Variants in GLIS3 observed in about 807,000 individuals in gnomAD.
The protein encoded by GLIS3 is zinc finger protein GLIS3.
A neutral mutation model predicts 78.6 loss-of-function variants in GLIS3; 53 were observed. The observed-to-expected ratio is 0.67, with a 90% CI of 0.54 to 0.85. The LOEUF (loss-of-function observed/expected upper bound fraction) is 0.85, where lower values mean the gene tolerates loss of function less well. Among genes scored for constraint, GLIS3 ranks in the 40% least tolerant of loss-of-function variants. GLIS3 has a pLI of 0.00. For synonymous variants in GLIS3, 684 were observed against 509.9 expected, an observed-to-expected ratio of 1.34 and a Z score of -4.60; for missense variants, 1,703 against 1,231.1, an observed-to-expected ratio of 1.38 and a Z score of -5.74.
At chr9:3,999,608 A>G (rs1820988033) in intron 4 of GLIS3, among the ~76,000 whole-genome samples, 1 of 152,034 alleles carries the variant, frequency 6.6e-6, no homozygotes, top group Non-Finnish European at 1.5e-5. Context: ...GACATTAACA[A>G]AGATAATAAT....
chr9:4,315,425 T>A (rs549023379), intron 2 of GLIS3, among the ~76,000 whole-genome samples: 15 of 152,290 alleles, frequency 9.8e-5, no homozygotes, highest in African/African-American at 3.4e-4. Flanking sequence ...CAATGACAAT[T>A]TTCTGTATGC....
At chr9:4,322,274 A>C (rs1002643684) in intron 2 of GLIS3, among the ~76,000 whole-genome samples, 2 of 152,152 alleles carry the variant, frequency 1.3e-5, no homozygotes, top group Non-Finnish European at 2.9e-5. Context: ...AATCCAGTCT[A>C]TCACTGATGG....
chr9:4,428,269 A>G, the GLIS3 span, among the ~76,000 whole-genome samples: 2 of 152,044 alleles, frequency 1.3e-5, no homozygotes, highest in African/African-American at 2.4e-5. Flanking sequence ...ACTTGAGGCC[A>G]GGAGTTCAAG....
At chr9:4,259,577 C>T (rs923489304) in intron 2 of GLIS3, among the ~76,000 whole-genome samples, 33 of 152,204 alleles carry the variant, frequency 2.2e-4, no homozygotes, top group Admixed American at 5.2e-4. Flanking sequence ...CCTATCCCTT[C>T]GTCCTCAGGG....
At chr9:4,354,269 C>T in the GLIS3 span, among the ~76,000 whole-genome samples, 3 of 152,156 alleles carry the variant, frequency 2.0e-5, no homozygotes, top group African/African-American at 4.8e-5. Context: ...CTTTCTCCAG[C>T]CAAACTTCCT....
At chr9:3,959,904 C>T (rs1817430612) in intron 4 of GLIS3, among the ~76,000 whole-genome samples, 1 of 152,172 alleles carries the variant, frequency 6.6e-6, no homozygotes, top group Non-Finnish European at 1.5e-5. Context: ...GTAATCCCAG[C>T]ACTTTGGGAG....
the GLIS3 span, among the ~76,000 whole-genome samples, chr9:4,402,820 T>A: frequency 6.6e-6 from 1 of 151,928 alleles, no homozygotes; most frequent in Non-Finnish European, 1.5e-5. Flanking sequence ...GCCTAGAAGA[T>A]CTAGAAAATA....
At chr9:4,109,090 A>G (rs1339030554) in intron 4 of GLIS3, among the ~76,000 whole-genome samples, 2 of 152,164 alleles carry the variant, frequency 1.3e-5, no homozygotes, top group South Asian at 2.1e-4. Flanking sequence ...GTTCTCCTCT[A>G]AACAGCTCAA....
intron 2 of GLIS3, among the ~76,000 whole-genome samples, chr9:4,202,066 A>C (rs376177860): frequency 1.3e-5 from 2 of 151,710 alleles, no homozygotes; most frequent in East Asian, 3.9e-4. Flanking sequence ...TGAACCCGGG[A>C]GACGGAGGTT....
rs759176580 is a variant in GLIS3, at chr9:4,125,753, T to C, written c.577A>G (p.Ile193Val). ...TGAGACCTGGTATCTGAAGGAGGTA[T>C]ATTCAGGTTGGCTGCATTCATTGCC... is the stretch of plus-strand genomic sequence containing the variant. ...QRAMNAANLNIPPSDTRSLIS... is the reference protein window; with the variant it reads ...QRAMNAANLNVPPSDTRSLIS... The change falls in exon 3 of 11, where the codon ATA becomes GTA. Residue 193 changes from isoleucine to valine, a missense_variant. Physicochemically the swap from Ile to Val is conservative, Grantham distance 29. Coordinates refer to ENST00000381971, the MANE Select transcript of GLIS3 (RefSeq NM_001042413.2). 4 of 1,613,682 alleles carry C rather than the reference T, an allele frequency of 2.5e-6. No individual in the cohort carries two copies. Among genetic ancestry groups the C allele is most frequent in the Non-Finnish European group, 3.4e-6 (4 of 1,179,814 alleles).
In GLIS3 at chr9:4,238,820, T is replaced by C. The variant is rs1310677185; in HGVS notation, c.388+47218A>G. 8.5e-5 allele frequency among the ~76,000 whole-genome samples: 13 copies of C among 152,122 alleles called. No homozygotes were observed. In the East Asian group the frequency reaches 2.3e-3, roughly 27 times the overall value. On this transcript the variant is annotated intron_variant, in intron 2 of 10. Coordinates refer to ENST00000381971, the MANE Select transcript of GLIS3 (RefSeq NM_001042413.2). ...AGCATTCCGTGAGTCAAGCTTTCCCTGGGGTTAAGACTTTTGAAATGACCA... is the reference window on the plus strand; with the variant it reads ...AGCATTCCGTGAGTCAAGCTTTCCCCGGGGTTAAGACTTTTGAAATGACCA...
the GLIS3 span, among the ~76,000 whole-genome samples, chr9:4,474,574 T>C: frequency 6.6e-6 from 1 of 152,170 alleles, no homozygotes; most frequent in South Asian, 2.1e-4. Flanking sequence ...TAGATTGAAA[T>C]GAAAGAAGCA....
chr9:4,461,284 C>T, the GLIS3 span, among the ~76,000 whole-genome samples: 5 of 152,288 alleles, frequency 3.3e-5, no homozygotes, highest in Admixed American at 3.3e-4. Flanking sequence ...AAAGATGGAT[C>T]AATGCCCATG....
rs141005677 is a variant in GLIS3, at chr9:4,105,661, G to A, written c.1710+12107C>T. Among the ~76,000 whole-genome samples the A allele has an allele frequency of 5.9e-5, 9 of 152,226 alleles. 1 individual carries two copies. The highest frequency in any genetic ancestry group is 1.9e-4 in the African/African-American group (8 of 41,546). On this transcript the variant is annotated intron_variant, in intron 4 of 10. Transcript: ENST00000381971. ...TGACATTCATTTTTTCCGAAGTTCT[G>A]AATTCTTGAAAAGTGATAGTGACAC...
chr9:3,889,394 C>G (rs944777810), intron 7 of GLIS3, among the ~76,000 whole-genome samples: 1 of 152,140 alleles, frequency 6.6e-6, no homozygotes, highest in Non-Finnish European at 1.5e-5. Flanking sequence ...TTCTGGATGC[C>G]TTCAATGGAA....
At chr9:4,059,903 T>TA (rs137978834) in intron 4 of GLIS3, among the ~76,000 whole-genome samples, 1 of 148,118 alleles carries the variant, frequency 6.8e-6, no homozygotes, top group Non-Finnish European at 1.5e-5. Context: ...GCTCAAAAAA[T>TA]AAAAAAATCT....
chr9:4,472,662 C>T, the GLIS3 span, among the ~76,000 whole-genome samples: 30 of 151,934 alleles, frequency 2.0e-4, no homozygotes, highest in African/African-American at 3.4e-4. Flanking sequence ...ATGTAAATGA[C>T]GAGTTAATGG....
chr9:4,151,082 A>T (rs879681507), intron 2 of GLIS3: 4 of 152,226 alleles, frequency 2.6e-5, no homozygotes, highest in Admixed American at 1.3e-4. Context: ...GGGTAAGCAC[A>T]GAGGAGGAGA....
the GLIS3 span, among the ~76,000 whole-genome samples, chr9:4,397,187 G>A: frequency 1.2e-4 from 17 of 140,874 alleles, 2 homozygotes; most frequent in South Asian, 6.9e-4. Flanking sequence ...CACTACGCCC[G>A]GCTAATTTTT....
Sources: allele counts gnomAD v4.1 joint callset (sites outside exome capture counted in the v4.1 genomes callset), GRCh38; gene constraint gnomAD v4.1.1; transcripts MANE v1.5; gene names NCBI Gene and HGNC (gene_info 2026-07-23, HGNC 2026-07-21).